The following CAB39 variants were observed in gnomAD, a reference collection of about 807,000 sequenced individuals.
The protein encoded by CAB39 is calcium binding protein 39, also known as calcium-binding protein 39.
A neutral mutation model predicts 40.0 loss-of-function variants in CAB39; 8 were observed. The observed-to-expected ratio is 0.20, with a 90% confidence interval of 0.12 to 0.36. The LOEUF (loss-of-function observed/expected upper bound fraction) is 0.36, where lower values mean the gene tolerates loss of function less well. Among genes scored for constraint, CAB39 ranks in the 10% least tolerant of loss-of-function variants. The pLI is 1.00. For synonymous variants in CAB39, 156 were observed against 141.6 expected (o/e 1.10, Z -0.72); for missense variants, 270 against 401.1 (o/e 0.67, Z 2.79).
At chr2:230,790,237 T>C (rs1383370205) in intron 2 of CAB39, among the ~76,000 whole-genome samples, 1 of 144,420 alleles carries the variant, frequency 6.9e-6, no homozygotes. Flanking sequence ...CACGAGACCC[T>C]GTCTCAAAAA....
chr2:230,806,431 G>A (rs556795189), intron 5 of CAB39, among the ~76,000 whole-genome samples: 6 of 152,144 alleles, frequency 3.9e-5, no homozygotes, highest in Non-Finnish European at 8.8e-5. Context: ...TCCACTATGA[G>A]CTTATCAGGT....
intron 1 of CAB39, among the ~76,000 whole-genome samples, chr2:230,759,175 G>A (rs946603603): frequency 1.3e-5 from 2 of 152,132 alleles, no homozygotes; most frequent in Middle Eastern, 3.2e-3. Flanking sequence ...GTCACATAGG[G>A]GATTACAGGA....
intron 2 of CAB39, among the ~76,000 whole-genome samples, chr2:230,767,494 T>C (rs1695407728): frequency 6.6e-6 from 1 of 152,196 alleles, no homozygotes; most frequent in African/African-American, 2.4e-5. Context: ...TCAAATAATA[T>C]ATTCCTTAGA....
chr2:230,760,735 C>T (rs1695274902), intron 2 of CAB39, among the ~76,000 whole-genome samples: 1 of 152,182 alleles, frequency 6.6e-6, no homozygotes, highest in African/African-American at 2.4e-5. Context: ...CACCACAGTC[C>T]AAAACCCAAC....
At chr2:230,792,779 A>C (rs971462740) in intron 3 of CAB39, among the ~76,000 whole-genome samples, 1 of 152,192 alleles carries the variant, frequency 6.6e-6, no homozygotes, top group Admixed American at 6.5e-5. Flanking sequence ...GCAGCAGAGT[A>C]TATTTTCCTC....
chr2:230,791,656 T>A (rs1278013373), intron 3 of CAB39, among the ~76,000 whole-genome samples: 1 of 152,154 alleles, frequency 6.6e-6, no homozygotes, highest in East Asian at 1.9e-4. Flanking sequence ...CAGAGTAGCA[T>A]CACAGGGCGT....
At chr2:230,753,246 G>C (rs1209488745) in intron 1 of CAB39, among the ~76,000 whole-genome samples, 1 of 152,180 alleles carries the variant, frequency 6.6e-6, no homozygotes, top group African/African-American at 2.4e-5. Context: ...TGTTGTAACT[G>C]TTCATTTTAT....
chr2:230,764,379 C>A (rs1044285134), intron 2 of CAB39, among the ~76,000 whole-genome samples: 2 of 152,134 alleles, frequency 1.3e-5, no homozygotes, highest in African/African-American at 4.8e-5. Flanking sequence ...TTAGGTAAGC[C>A]ATGCTAAGCT....
chr2:230,792,104 A>T (rs1255963942), intron 3 of CAB39, among the ~76,000 whole-genome samples: 1 of 152,232 alleles, frequency 6.6e-6, no homozygotes, highest in African/African-American at 2.4e-5. Flanking sequence ...TTAATAAAAT[A>T]AAGTAAAATT....
At chr2:230,740,631 C>T (rs1694859872) in intron 1 of CAB39, among the ~76,000 whole-genome samples, 1 of 152,078 alleles carries the variant, frequency 6.6e-6, no homozygotes, top group African/African-American at 2.4e-5. Context: ...ATTAGGTTCT[C>T]ATAAGGAGTG....
intron 5 of CAB39, among the ~76,000 whole-genome samples, chr2:230,803,274 T>G (rs1696125827): frequency 2.0e-5 from 3 of 152,150 alleles, no homozygotes; most frequent in Admixed American, 2.0e-4. Context: ...TCAGAGCTAT[T>G]TATGACAAAC....
chr2:230,796,788 G>A (rs1258384910), intron 4 of CAB39, among the ~76,000 whole-genome samples: 1 of 152,084 alleles, frequency 6.6e-6, no homozygotes, highest in Non-Finnish European at 1.5e-5. Context: ...CTTAAGATGG[G>A]AGTTCCTAGT....
chr2:230,781,321 T>C (rs374177802), intron 2 of CAB39, among the ~76,000 whole-genome samples: 1 of 152,172 alleles, frequency 6.6e-6, no homozygotes, highest in South Asian at 2.1e-4. Flanking sequence ...TCTTGAAATA[T>C]GTGCTGCTGG....
intron 5 of CAB39, among the ~76,000 whole-genome samples, chr2:230,803,099 A>G (rs58379647): frequency 0.055 from 8,366 of 152,272 alleles, 780 homozygotes; most frequent in African/African-American, 0.19. Flanking sequence ...TGCTGGTTCA[A>G]CATACGAAAA....
intron 2 of CAB39, among the ~76,000 whole-genome samples, chr2:230,777,756 G>A (rs6750664): frequency 0.36 from 54,557 of 152,004 alleles, 13,582 homozygotes; most frequent in African/African-American, 0.71. Flanking sequence ...TTATGGGTAC[G>A]TAATGATTAA....
Position 230,819,535 on chromosome 2 carries a change from T to C in CAB39, c.*831T>C, listed in dbSNP as rs1407970411. On this transcript the variant is annotated 3_prime_UTR_variant, in exon 9 of 9. Coordinates refer to ENST00000258418, the MANE Select transcript of CAB39 (RefSeq NM_016289.4). Reference sequence around the variant, plus strand: ...GTTTAATTTGTACAGCAGAGGAATGTTATTGTAGTAGTATGTAACTATTAC... The same window carrying C: ...GTTTAATTTGTACAGCAGAGGAATGCTATTGTAGTAGTATGTAACTATTAC... The C allele has an allele frequency of 6.5e-6, 1 of 152,676 alleles. No homozygotes were observed. The highest frequency in any genetic ancestry group is 2.4e-5 in the African/African-American group (1 of 41,458). The allele number at this position is 152,676 out of a possible 1,614,324, so 9.5% of individuals were successfully genotyped here. A position where few individuals can be genotyped will look rare whatever the true frequency, so the allele number is the denominator to read the frequency against.
At chr2:230,792,886 T>G (rs1419764947) in intron 3 of CAB39, among the ~76,000 whole-genome samples, 2 of 152,222 alleles carry the variant, frequency 1.3e-5, no homozygotes, top group African/African-American at 4.8e-5. Flanking sequence ...TTCAGATCCC[T>G]TAGATTGTTA....
At chr2:230,761,617 C>G (rs568827669) in intron 2 of CAB39, among the ~76,000 whole-genome samples, 20 of 152,218 alleles carry the variant, frequency 1.3e-4, no homozygotes, top group Non-Finnish European at 2.4e-4. Flanking sequence ...ACTAATTATT[C>G]CTACTCTAAA....
chr2:230,790,371 A>T (rs1695873211), intron 2 of CAB39, among the ~76,000 whole-genome samples: 1 of 152,180 alleles, frequency 6.6e-6, no homozygotes, highest in Non-Finnish European at 1.5e-5. Context: ...ATCTATCACT[A>T]ACACCTTAGC....
Sources: gnomAD v4.1 joint callset for allele counts (sites outside exome capture counted in the v4.1 genomes callset) on GRCh38, gnomAD v4.1.1 for gene constraint, MANE v1.5 for transcripts, NCBI Gene and HGNC (gene_info 2026-07-23, HGNC 2026-07-21) for gene names.